HIBADH: variants seen among roughly 807,000 people sequenced by gnomAD.
HIBADH encodes the protein 3-hydroxyisobutyrate dehydrogenase, mitochondrial.
A neutral mutation model predicts 36.1 loss-of-function variants in HIBADH; 25 were observed. The ratio of observed to expected loss-of-function variants is 0.69; its 90% CI spans 0.50 to 0.97. HIBADH has a LOEUF of 0.97. Among genes scored for constraint, HIBADH ranks in the 50% least tolerant of loss-of-function variants. The probability of loss-of-function intolerance (pLI) is 0.00; values close to 1 mark genes in which losing one functional copy is unlikely to be tolerated. For missense variants in HIBADH, 421 were observed against 418.0 expected (o/e 1.01, Z -0.06); for synonymous variants, 160 against 149.5 (o/e 1.07, Z -0.51).
At chr7:27,642,825 G>C (rs539031038) in intron 2 of HIBADH, among the ~76,000 whole-genome samples, 2 of 151,986 alleles carry the variant, frequency 1.3e-5, no homozygotes, top group South Asian at 2.1e-4. Context: ...CTAATTTTTT[G>C]TATTTTTAGT....
chr7:27,655,756 A>AG (rs1562662463), intron 1 of HIBADH, among the ~76,000 whole-genome samples: 77 of 143,724 alleles, frequency 5.4e-4, no homozygotes, highest in African/African-American at 1.9e-3. Flanking sequence ...ATTACCCCCC[A>AG]GAAAACCTCT....
At chr7:27,600,055 T>C (rs1426078003) in intron 4 of HIBADH, among the ~76,000 whole-genome samples, 2 of 152,160 alleles carry the variant, frequency 1.3e-5, no homozygotes, top group African/African-American at 2.4e-5. Context: ...CAGGGAGTTC[T>C]CTCCCTTAAA....
At chr7:27,632,271 G>T (rs2128294635) in intron 3 of HIBADH, 65 bp downstream of exon 3, 1 of 1,056,062 alleles carries the variant, frequency 9.5e-7, no homozygotes, top group Non-Finnish European at 1.5e-6. Flanking sequence ...TTTCCTAATA[G>T]TTCTAACATG....
intron 4 of HIBADH, among the ~76,000 whole-genome samples, chr7:27,623,839 C>A (rs1197291181): frequency 2.0e-5 from 3 of 152,090 alleles, no homozygotes; most frequent in Admixed American, 6.5e-5. Flanking sequence ...ACTCTGTCAC[C>A]CAGGCTGGAG....
At chr7:27,569,514 C>G (rs566397526) in intron 4 of HIBADH, among the ~76,000 whole-genome samples, 2 of 152,288 alleles carry the variant, frequency 1.3e-5, no homozygotes, top group Admixed American at 6.5e-5. Context: ...GGTGGGCTAT[C>G]TATCCCACAG....
chr7:27,538,517 A>T, intron 5 of HIBADH, 100 bp from the exon 6 acceptor site: 1 of 926,628 alleles, frequency 1.1e-6, no homozygotes, highest in Non-Finnish European at 1.7e-6. Flanking sequence ...TTCTAAAAGA[A>T]ATAACATTCA....
intron 1 of HIBADH, among the ~76,000 whole-genome samples, chr7:27,650,863 G>C (rs978193930): frequency 2.0e-5 from 3 of 152,052 alleles, no homozygotes; most frequent in African/African-American, 7.2e-5. Flanking sequence ...TGGAAATAGC[G>C]TTAGATGCAA....
chr7:27,532,113 A>G (rs1288875916), intron 6 of HIBADH, among the ~76,000 whole-genome samples: 1 of 152,220 alleles, frequency 6.6e-6, no homozygotes, highest in African/African-American at 2.4e-5. Flanking sequence ...CACTGGGCTG[A>G]TGGCATAAAC....
intron 4 of HIBADH, among the ~76,000 whole-genome samples, chr7:27,576,009 A>G (rs1235234430): frequency 6.6e-6 from 1 of 152,226 alleles, no homozygotes; most frequent in Non-Finnish European, 1.5e-5. Flanking sequence ...TCTTCTACTC[A>G]TTGAATCAAG....
chr7:27,643,134 G>C (rs1047585881), intron 2 of HIBADH, among the ~76,000 whole-genome samples: 2 of 152,170 alleles, frequency 1.3e-5, no homozygotes, highest in African/African-American at 4.8e-5. Flanking sequence ...GACTGTGACT[G>C]TCTTGTTCTG....
intron 4 of HIBADH, among the ~76,000 whole-genome samples, chr7:27,562,649 T>A (rs1562622371): frequency 2.0e-5 from 3 of 152,080 alleles, no homozygotes; most frequent in Non-Finnish European, 4.4e-5. Flanking sequence ...AAGCCACCAA[T>A]GCTTAGCTAT....
intron 4 of HIBADH, among the ~76,000 whole-genome samples, chr7:27,552,323 C>G (rs1481756263): frequency 1.3e-5 from 2 of 152,170 alleles, no homozygotes; most frequent in African/African-American, 4.8e-5. Flanking sequence ...CCCTTGTTAA[C>G]ACTATTTCTG....
intron 2 of HIBADH, among the ~76,000 whole-genome samples, chr7:27,640,583 A>G (rs1228341168): frequency 6.6e-6 from 1 of 152,194 alleles, no homozygotes; most frequent in Non-Finnish European, 1.5e-5. Flanking sequence ...GTATATATTC[A>G]AGGCAACTTG....
intron 4 of HIBADH, among the ~76,000 whole-genome samples, chr7:27,605,586 C>CAA (rs70994666): frequency 0.013 from 422 of 33,608 alleles, 41 homozygotes; most frequent in East Asian, 0.026. Context: ...TTTAGACAAG[C>CAA]AAAAAAAAAA....
chr7:27,647,018 C>A (rs193261166), intron 2 of HIBADH, among the ~76,000 whole-genome samples: 2 of 152,146 alleles, frequency 1.3e-5, no homozygotes. Flanking sequence ...TATATACACT[C>A]CTATGATAAA....
At chr7:27,652,959 T>C (rs1786224535) in intron 1 of HIBADH, among the ~76,000 whole-genome samples, 1 of 152,044 alleles carries the variant, frequency 6.6e-6, no homozygotes. Flanking sequence ...TGAAACCCAG[T>C]CTTTACTAAA....
chr7:27,552,706 T>C (rs1380162690), intron 4 of HIBADH, among the ~76,000 whole-genome samples: 1 of 152,212 alleles, frequency 6.6e-6, no homozygotes, highest in Non-Finnish European at 1.5e-5. Context: ...TTCACAAGTA[T>C]GAAAAATCTG....
At chr7:27,575,818 G>C (rs1784700747) in intron 4 of HIBADH, among the ~76,000 whole-genome samples, 1 of 152,196 alleles carries the variant, frequency 6.6e-6, no homozygotes, top group African/African-American at 2.4e-5. Flanking sequence ...TGTAAGTACG[G>C]AAATCTGCTT....
At chr7:27,574,041 T>C (rs1456294886) in intron 4 of HIBADH, among the ~76,000 whole-genome samples, 3 of 152,162 alleles carry the variant, frequency 2.0e-5, no homozygotes, top group Non-Finnish European at 4.4e-5. Flanking sequence ...AAAACTGAAA[T>C]TGTAATATAC....
Sources: gnomAD v4.1 joint callset for allele counts (sites outside exome capture counted in the v4.1 genomes callset) on GRCh38, gnomAD v4.1.1 for gene constraint, MANE v1.5 for transcripts, NCBI Gene and HGNC (gene_info 2026-07-23, HGNC 2026-07-21) for gene names.